Variants in SEMA4A observed in about 807,000 individuals in gnomAD.
SEMA4A encodes the protein semaphorin 4A, also known as semaphorin-4A.
A neutral mutation model predicts 72.5 loss-of-function variants in SEMA4A; 52 were observed. The ratio of observed to expected loss-of-function variants is 0.72; its 90% CI spans 0.57 to 0.90. The LOEUF (loss-of-function observed/expected upper bound fraction) is 0.90. SEMA4A is among the 40% of genes least tolerant of loss of function. The pLI is 0.00. For missense variants in SEMA4A, 926 were observed against 959.7 expected, an observed-to-expected ratio of 0.96 and a Z score of 0.46; for synonymous variants, 369 against 393.1, an observed-to-expected ratio of 0.94 and a Z score of 0.73.
chr1:156,158,642 C>T (rs571366250), intron 5 of SEMA4A, 77 bp from the exon 6 acceptor site: 22 of 1,376,968 alleles, frequency 1.6e-5, no homozygotes, highest in Middle Eastern at 1.9e-4. Flanking sequence ...TGTCCCTTTC[C>T]CTTCCTTCCT....
At chr1:156,148,889 G>A (rs1473011909), upstream of SEMA4A, among the ~76,000 whole-genome samples, 1 of 142,754 alleles carries the variant, frequency 7.0e-6, no homozygotes, top group African/African-American at 2.7e-5. Flanking sequence ...TACAACCTCC[G>A]CCTCCTGGGT....
Position 156,173,022 on chromosome 1 carries a change from C to T in SEMA4A, c.1315+16C>T, listed in dbSNP as rs550461487. ...CTGGGAACCAGTGAGTAAAGAGTTC[C>T]GGGACATCCCCCAGAGGACTAGAGC... On this transcript the variant is annotated intron_variant, in intron 11 of 14. Transcript: ENST00000368285. The T allele has an allele frequency of 1.4e-5, 23 of 1,612,380 alleles. No homozygotes were observed. The highest frequency in any genetic ancestry group is 3.3e-5 in the Admixed American group (2 of 59,726).
At chr1:156,170,753 CAAA>C (rs1402562759) in intron 10 of SEMA4A, among the ~76,000 whole-genome samples, 2 of 71,808 alleles carry the variant, frequency 2.8e-5, no homozygotes, top group East Asian at 3.8e-4. Context: ...GACTCCGTCT[CAAA>C]AAAAAAAAAA....
chr1:156,160,313 A>G, intron 6 of SEMA4A, 130 bp from the exon 7 acceptor site: 3 of 763,284 alleles, frequency 3.9e-6, no homozygotes, highest in South Asian at 1.4e-5. Flanking sequence ...GAGGCTCCCC[A>G]GGAAGGTGCA....
chr1:156,156,237 C>T (rs760930357), intron 2 of SEMA4A, 177 bp from the exon 3 acceptor site: 13 of 669,702 alleles, frequency 1.9e-5, no homozygotes, highest in Admixed American at 4.1e-5. Context: ...CAGCACACAA[C>T]GCTCTTGTGT....
At chr1:156,151,922 CCA>C (rs1652569314), upstream of SEMA4A, among the ~76,000 whole-genome samples, 1 of 151,818 alleles carries the variant, frequency 6.6e-6, no homozygotes, top group Non-Finnish European at 1.5e-5. Flanking sequence ...AGAAATCACC[CCA>C]GAGATCTGAT....
chr1:156,151,128 T>C (rs1276282221), upstream of SEMA4A, among the ~76,000 whole-genome samples: 2 of 152,250 alleles, frequency 1.3e-5, no homozygotes, highest in Non-Finnish European at 2.9e-5. Context: ...GCTTCTTTGA[T>C]GCTGTGTGCA....
Position 156,176,839 on chromosome 1 carries a change from C to T in SEMA4A, c.2128C>T (p.Leu710Phe), listed in dbSNP as rs1156352953. Residue 710 changes from leucine (L) to phenylalanine (F), a missense_variant, in exon 15 of 15, where the codon CTC becomes TTC. Coordinates refer to ENST00000368285, the MANE Select transcript of SEMA4A (RefSeq NM_022367.4). ...CCTCGTGGCCTCCCCATTGAGAGCA[C>T]TCCGGGCTCGGGGCAAGGTTCAGGG... ...IILVASPLRA[L>F]RARGKVQGCE... 6.2e-7 allele frequency: 1 copy of T among 1,614,236 alleles called. No homozygotes were observed. Among genetic ancestry groups the T allele is most frequent in the South Asian group, 1.1e-5 (1 of 91,090 alleles).
At chr1:156,174,214 G>A (rs568552777) in intron 11 of SEMA4A, among the ~76,000 whole-genome samples, 6 of 152,348 alleles carry the variant, frequency 3.9e-5, no homozygotes, top group South Asian at 2.1e-4. Flanking sequence ...TTGAGGGTCA[G>A]TGGAAGAAAT....
At chr1:156,171,736 T>C (rs368054599) in intron 10 of SEMA4A, among the ~76,000 whole-genome samples, 1 of 151,472 alleles carries the variant, frequency 6.6e-6, no homozygotes, top group African/African-American at 2.4e-5. Context: ...GCCACCATGC[T>C]TGGCTAATTT....
chr1:156,154,030 AG>A (rs1431710981), intron 1 of SEMA4A, among the ~76,000 whole-genome samples: 1 of 152,208 alleles, frequency 6.6e-6, no homozygotes, highest in Non-Finnish European at 1.5e-5. Context: ...AGGTTAGAGC[AG>A]GCAGACTCAA....
chr1:156,162,034 G>A (rs1653713180), intron 9 of SEMA4A, among the ~76,000 whole-genome samples: 2 of 152,134 alleles, frequency 1.3e-5, no homozygotes, highest in South Asian at 4.1e-4. Context: ...AGGCCGAGGT[G>A]GGCAGATCAC....
chr1:156,149,183 G>A (rs1014708333), upstream of SEMA4A, among the ~76,000 whole-genome samples: 1 of 152,164 alleles, frequency 6.6e-6, no homozygotes, highest in African/African-American at 2.4e-5. Flanking sequence ...TAACAAGGCT[G>A]TTTAGGATCA....
At chr1:156,165,789 C>T (rs1311924170) in intron 10 of SEMA4A, among the ~76,000 whole-genome samples, 2 of 151,496 alleles carry the variant, frequency 1.3e-5, no homozygotes, top group Non-Finnish European at 2.9e-5. Context: ...TGGTGTTGTG[C>T]TTTGATGGAA....
chr1:156,172,477 C>T (rs1654899096), intron 10 of SEMA4A, among the ~76,000 whole-genome samples: 1 of 152,164 alleles, frequency 6.6e-6, no homozygotes, highest in Admixed American at 6.5e-5. Context: ...TGCCAGGCCT[C>T]CTTGCTGGAG....
At chr1:156,169,269 T>TTC (rs142708846) in intron 10 of SEMA4A, among the ~76,000 whole-genome samples, 3,079 of 150,914 alleles carry the variant, frequency 0.02, 42 homozygotes, top group Non-Finnish European at 0.031. Context: ...GAGAAGATTC[T>TTC]TCTCTCTCTC....
chr1:156,159,026 C>T (rs1173197448), intron 6 of SEMA4A: 7 of 356,914 alleles, frequency 2.0e-5, no homozygotes, highest in Admixed American at 1.4e-4. Flanking sequence ...ACAGCGAGAT[C>T]GTCTCAAAAA....
intron 2 of SEMA4A, 39 bp from the exon 3 acceptor site, chr1:156,156,375 C>T (rs375400875): frequency 6.2e-7 from 1 of 1,607,142 alleles, no homozygotes; most frequent in Non-Finnish European, 8.5e-7. Flanking sequence ...GCCTGCCCAC[C>T]AAGTCCTCAT....
Position 156,175,251 on chromosome 1 carries a change from C to T in SEMA4A, c.1592+8C>T, listed in dbSNP as rs764947735. ...CCTGTCTGCCCCCAACCTGTGAGTG[C>T]CAGTCCTGGATGGTGGCCTGGATGG... On this transcript the variant is annotated splice_region_variant and intron_variant, in intron 13 of 14. Transcript: ENST00000368285. 3 of 1,608,892 alleles carry T rather than the reference C, an allele frequency of 1.9e-6. No individual in the cohort carries two copies. In the Admixed American group the frequency reaches 5.0e-5, roughly 27 times the overall value.
Sources: gnomAD v4.1 joint callset for allele counts (sites outside exome capture counted in the v4.1 genomes callset) on GRCh38, gnomAD v4.1.1 for gene constraint, MANE v1.5 for transcripts, NCBI Gene and HGNC (gene_info 2026-07-23, HGNC 2026-07-21) for gene names.